Variants in CYB5RL observed in about 807,000 individuals in gnomAD.
The protein encoded by CYB5RL is cytochrome b5 reductase like.
In CYB5RL, 38 loss-of-function variants were observed where a neutral mutation model predicts 37.5. That is an observed-to-expected ratio of 1.01 (90% CI 0.78 to 1.33). The LOEUF (loss-of-function observed/expected upper bound fraction) is 1.33. Ranked by LOEUF, CYB5RL falls within the 40% of genes most tolerant of loss-of-function variation. The pLI, the probability that CYB5RL is intolerant of heterozygous loss-of-function variation, is 0.00. For synonymous variants in CYB5RL, 141 were observed against 151.9 expected (o/e 0.93, Z 0.53); for missense variants, 388 against 394.4 (o/e 0.98, Z 0.14).
At chr1:54,189,189 TATAAATAA>T (rs10624673) in intron 4 of CYB5RL, among the ~76,000 whole-genome samples, 1 of 150,342 alleles carries the variant, frequency 6.7e-6, no homozygotes, top group African/African-American at 2.4e-5. Flanking sequence ...TCTCAAAAAA[TATAAATAA>T]ATAAATAAAT....
chr1:54,184,519 C>T, intron 5 of CYB5RL: 1 of 397,496 alleles, frequency 2.5e-6, no homozygotes, highest in Middle Eastern at 6.8e-4. Context: ...CATAGAGGTC[C>T]CAAACCCAAA....
intron 1 of CYB5RL, among the ~76,000 whole-genome samples, chr1:54,197,707 C>T (rs1447106341): frequency 6.6e-6 from 1 of 151,966 alleles, no homozygotes; most frequent in African/African-American, 2.4e-5. Context: ...ACAATCTGGC[C>T]CCTTTCCTAA....
chr1:54,184,405 C>T, intron 5 of CYB5RL, 140 bp from the exon 6 acceptor site: 1 of 710,246 alleles, frequency 1.4e-6, no homozygotes, highest in Non-Finnish European at 2.3e-6. Flanking sequence ...CCTTATCCTA[C>T]AAAGTTGGTA....
At position 54,179,246 on chromosome 1, in the gene CYB5RL, A is replaced by C. The variant is rs997817154; in HGVS notation, c.647T>G (p.Val216Gly). The C allele has an allele frequency of 3.7e-6, 6 of 1,613,710 alleles. No individual in the cohort carries two copies. The highest frequency in any genetic ancestry group is 1.6e-4 in the Middle Eastern group (1 of 6,082). ...GCTCTCAAAGGTCTTGAAGCAACCG[A>C]CCAGAGTGACAAAAGTCTCGTCATT... ...NENDETFVTLVGCFKTFESIY... is the reference protein window; with the variant it reads ...NENDETFVTLGGCFKTFESIY... Residue 216 changes from valine to glycine, a missense_variant, in exon 7 of 8, where the codon GTC becomes GGC. Physicochemically the swap from Val to Gly is moderately radical, Grantham distance 109. Coordinates refer to ENST00000534324, the MANE Select transcript of CYB5RL (RefSeq NM_001031672.4).
At chr1:54,199,494 A>G (rs1352670831) in intron 1 of CYB5RL, among the ~76,000 whole-genome samples, 3 of 152,212 alleles carry the variant, frequency 2.0e-5, no homozygotes, top group South Asian at 4.1e-4. Flanking sequence ...ATCTCCCACT[A>G]AACTGTAAGC....
At chr1:54,193,811 CA>C in intron 3 of CYB5RL, among the ~76,000 whole-genome samples, 1 of 148,600 alleles carries the variant, frequency 6.7e-6, no homozygotes, top group Non-Finnish European at 1.5e-5. Context: ...GCTAAAAATG[CA>C]AAAAAAAATT....
chr1:54,189,538 G>A (rs1347307737), intron 4 of CYB5RL, among the ~76,000 whole-genome samples: 1 of 152,214 alleles, frequency 6.6e-6, no homozygotes, highest in African/African-American at 2.4e-5. Context: ...CGGAGGCGAT[G>A]TGGTACCTCA....
Position 54,174,354 on chromosome 1 carries a change from C to T in CYB5RL, c.*265G>A. The T allele has an allele frequency of 2.1e-6, 1 of 482,066 alleles. No homozygotes were observed. Among genetic ancestry groups the T allele is most frequent in the Non-Finnish European group, 3.8e-6 (1 of 263,432 alleles). 29.9% of individuals were successfully genotyped at this position (482,066 alleles called of 1,614,324 possible). A position where few individuals can be genotyped will look rare whatever the true frequency, so the allele number is the denominator to read the frequency against. ...GACTTGGCTTCCTCTGAAGAGTCCTCCCTGACTCCCAGGCTGGTTGCTCAC... is the reference window on the plus strand; with the variant it reads ...GACTTGGCTTCCTCTGAAGAGTCCTTCCTGACTCCCAGGCTGGTTGCTCAC... On this transcript the variant is annotated 3_prime_UTR_variant, in exon 8 of 8. Transcript: ENST00000534324.
chr1:54,172,056 T>G lies in CYB5RL; in HGVS notation c.*2563A>C. 1 of 155,064 alleles carries G rather than the reference T, an allele frequency of 6.4e-6. No homozygotes were observed. Among genetic ancestry groups the G allele is most frequent in the Non-Finnish European group, 1.4e-5 (1 of 69,650 alleles). 9.6% of individuals were successfully genotyped at this position (155,064 alleles called of 1,614,324 possible). ...CTAGGTTGGTTACCACTGGGTGGCC[T>G]TGTATAATATCTAAATATCTAAACA... is the stretch of plus-strand genomic sequence containing the variant. On this transcript the variant is annotated 3_prime_UTR_variant, in exon 8 of 8. Coordinates refer to ENST00000534324, the MANE Select transcript of CYB5RL (RefSeq NM_001031672.4).
intron 5 of CYB5RL, chr1:54,185,202 T>A (rs1274291705): frequency 6.6e-6 from 1 of 152,152 alleles, no homozygotes; most frequent in Non-Finnish European, 1.5e-5. Context: ...CTAATACCCA[T>A]GAGAAGAATA....
At position 54,195,449 on chromosome 1, in the gene CYB5RL, G is replaced by A; in HGVS notation, c.168C>T (p.Asp56=). ...ACTCTGGCCCACGCAGCAGGCTCCTGTCCTTGCTGGCTTGGGCTGCCTCCC... is the reference window on the plus strand; with the variant it reads ...ACTCTGGCCCACGCAGCAGGCTCCTATCCTTGCTGGCTTGGGCTGCCTCCC... ...ARWEAAQASK[D]RSLLRGPESQ... Residue 56 remains aspartate (D), a synonymous_variant, in exon 3 of 8, where the codon GAC becomes GAT. Transcript: ENST00000534324. The A allele has an allele frequency of 6.2e-7, 1 of 1,610,552 alleles. No homozygotes were observed. The highest frequency in any genetic ancestry group is 8.5e-7 in the Non-Finnish European group (1 of 1,177,772).
At chr1:54,180,560 C>T (rs1479669681) in intron 6 of CYB5RL, among the ~76,000 whole-genome samples, 2 of 148,464 alleles carry the variant, frequency 1.3e-5, no homozygotes, top group Non-Finnish European at 3.0e-5. Context: ...GCTGAGATCG[C>T]GCCACTGCAC....
chr1:54,175,676 A>AT, intron 7 of CYB5RL: 1 of 443,714 alleles, frequency 2.3e-6, no homozygotes, highest in Non-Finnish European at 4.5e-6. Context: ...GATTGAAAAT[A>AT]TTTTTTAAAA....
At chr1:54,194,628 G>A (rs1643989505) in intron 3 of CYB5RL, among the ~76,000 whole-genome samples, 1 of 151,924 alleles carries the variant, frequency 6.6e-6, no homozygotes, top group South Asian at 2.1e-4. Context: ...TGGCAACATA[G>A]CAAGATTCCA....
chr1:54,174,843 T>C (rs1659980176), intron 7 of CYB5RL, 21 bp from the exon 8 acceptor site: 1 of 1,608,576 alleles, frequency 6.2e-7, no homozygotes, highest in Non-Finnish European at 8.5e-7. Flanking sequence ...AAGAAAGGCA[T>C]GGGTGACTAC....
At chr1:54,185,659 T>C (rs1660270104) in intron 5 of CYB5RL, 1 of 152,232 alleles carries the variant, frequency 6.6e-6, no homozygotes, top group Admixed American at 6.5e-5. Flanking sequence ...GTGAGGTTTT[T>C]CTCCTGCCTT....
At position 54,174,728 on chromosome 1, in the gene CYB5RL, C is replaced by G. The variant is rs759161836; in HGVS notation, c.839G>C (p.Cys280Ser). 3 of 1,614,042 alleles carry G rather than the reference C, an allele frequency of 1.9e-6. No homozygotes were observed. Among genetic ancestry groups the G allele is most frequent in the Non-Finnish European group, 2.5e-6 (3 of 1,179,894 alleles). Residue 280 changes from cysteine to serine, a missense_variant, in exon 8 of 8, where the codon TGT (cysteine) becomes TCT (serine). Cys to Ser is a moderately radical substitution (Grantham distance 112). Coordinates refer to ENST00000534324, the MANE Select transcript of CYB5RL (RefSeq NM_001031672.4). The part of the protein sequence containing the change: ...QDLIKELVSC[C>S]RRKPFALVCG... ...GACCAGTGCGAATGGCTTTCTCCGA[C>G]AGCAGCTGACCAGCTCTTTAATTAG...
At position 54,173,985 on chromosome 1, in the gene CYB5RL, T is replaced by C. The variant is rs1162888674; in HGVS notation, c.*634A>G. The C allele has an allele frequency of 3.3e-5, 5 of 153,218 alleles. No individual in the cohort carries two copies. Among genetic ancestry groups the C allele is most frequent in the African/African-American group, 1.2e-4 (5 of 41,588 alleles). The allele number at this position is 153,218 out of a possible 1,614,324, so 9.5% of individuals were successfully genotyped here. Reference sequence around the variant, plus strand: ...CCTCTTCTTTTGCTAGGCTCGATTTTTGAGCCAGGAAAGGGGACTGAGAAT... The same window carrying C: ...CCTCTTCTTTTGCTAGGCTCGATTTCTGAGCCAGGAAAGGGGACTGAGAAT... On this transcript the variant is annotated 3_prime_UTR_variant, in exon 8 of 8. Coordinates refer to ENST00000534324, the MANE Select transcript of CYB5RL (RefSeq NM_001031672.4).
chr1:54,182,502 AT>A (rs1557720498), intron 6 of CYB5RL, among the ~76,000 whole-genome samples: 1 of 150,242 alleles, frequency 6.7e-6, no homozygotes, highest in Admixed American at 6.6e-5. Flanking sequence ...CCATCTGCTG[AT>A]TTTTGGGTAA....
Sources: gnomAD v4.1 joint callset for allele counts (sites outside exome capture counted in the v4.1 genomes callset) on GRCh38, gnomAD v4.1.1 for gene constraint, MANE v1.5 for transcripts, NCBI Gene and HGNC (gene_info 2026-07-23, HGNC 2026-07-21) for gene names.